The following SPMAP2L variants were observed in gnomAD, a reference collection of about 807,000 sequenced individuals.
SPMAP2L encodes the protein sperm microtubule associated protein 2 like, also known as sperm microtubule associated protein 2-like.
the SPMAP2L span, among the ~76,000 whole-genome samples, chr4:56,574,823 A>T: frequency 6.6e-6 from 1 of 151,850 alleles, no homozygotes; most frequent in Admixed American, 6.6e-5. Context: ...CTACGAAAAA[A>T]TTTTAAAAAG....
the SPMAP2L span, among the ~76,000 whole-genome samples, chr4:56,558,140 T>C: frequency 1.3e-5 from 2 of 152,094 alleles, no homozygotes; most frequent in African/African-American, 4.8e-5. Flanking sequence ...GGCTAATTTT[T>C]GTACTTTTGT....
the SPMAP2L span, among the ~76,000 whole-genome samples, chr4:56,579,628 G>A: frequency 1.1e-3 from 167 of 152,166 alleles, 1 homozygote; most frequent in Non-Finnish European, 1.8e-3. Flanking sequence ...AAATTAATTG[G>A]CCATGGTGGC....
chr4:56,532,749 C>G, the SPMAP2L span, among the ~76,000 whole-genome samples: 1 of 152,206 alleles, frequency 6.6e-6, no homozygotes, highest in East Asian at 1.9e-4. Context: ...GCCGCCACTC[C>G]TATCATCATG....
the SPMAP2L span, among the ~76,000 whole-genome samples, chr4:56,551,432 TCTA>T: frequency 6.6e-6 from 1 of 152,174 alleles, no homozygotes; most frequent in Non-Finnish European, 1.5e-5. Flanking sequence ...ATCTTTGTGA[TCTA>T]CTCTCTATCA....
chr4:56,602,074 T>C, the SPMAP2L span, among the ~76,000 whole-genome samples: 1 of 152,194 alleles, frequency 6.6e-6, no homozygotes, highest in Admixed American at 6.5e-5. Context: ...TTGCATCATG[T>C]ACGTGTATGG....
At chr4:56,536,239 C>G in the SPMAP2L span, among the ~76,000 whole-genome samples, 1 of 152,230 alleles carries the variant, frequency 6.6e-6, no homozygotes, top group Non-Finnish European at 1.5e-5. Context: ...TGTCACTAAC[C>G]TCACCTTGAA....
chr4:56,599,783 T>A, the SPMAP2L span, among the ~76,000 whole-genome samples: 2 of 152,212 alleles, frequency 1.3e-5, no homozygotes, highest in African/African-American at 2.4e-5. Context: ...TGTACCACAT[T>A]TTCTTTATCC....
the SPMAP2L span, chr4:56,595,078 A>T: frequency 1.9e-6 from 3 of 1,610,820 alleles, no homozygotes; most frequent in Non-Finnish European, 2.5e-6. Context: ...ATGGGGCTCC[A>T]GTTCCATCTT....
the SPMAP2L span, among the ~76,000 whole-genome samples, chr4:56,542,420 T>C: frequency 6.6e-6 from 1 of 151,996 alleles, no homozygotes; most frequent in African/African-American, 2.4e-5. Context: ...CTCATGTTCA[T>C]AAACTTCTGC....
chr4:56,577,641 A>G, the SPMAP2L span, among the ~76,000 whole-genome samples: 1 of 152,196 alleles, frequency 6.6e-6, no homozygotes. Flanking sequence ...TAAGCTAAGA[A>G]TACTCTGTTT....
the SPMAP2L span, chr4:56,595,024 C>T: frequency 0.22 from 348,598 of 1,602,012 alleles, 39,544 homozygotes; most frequent in East Asian, 0.36. Context: ...TTCACTAAAG[C>T]GGAATGAGGA....
chr4:56,597,381 C>G, the SPMAP2L span, among the ~76,000 whole-genome samples: 20 of 152,192 alleles, frequency 1.3e-4, no homozygotes, highest in Admixed American at 1.3e-3. Context: ...TTCCCTCCCT[C>G]TTCATCCTTG....
chr4:56,550,306 G>A, the SPMAP2L span, among the ~76,000 whole-genome samples: 1 of 152,004 alleles, frequency 6.6e-6, no homozygotes, highest in Non-Finnish European at 1.5e-5. Context: ...CATGCTTCTA[G>A]ATTTTTCCCC....
chr4:56,625,498 A>G, the SPMAP2L span, among the ~76,000 whole-genome samples: 2 of 152,096 alleles, frequency 1.3e-5, no homozygotes, highest in African/African-American at 4.8e-5. Context: ...CTTGAATTGT[A>G]TCTCCCAGAA....
At chr4:56,620,989 T>A in the SPMAP2L span, among the ~76,000 whole-genome samples, 1 of 152,188 alleles carries the variant, frequency 6.6e-6, no homozygotes, top group Admixed American at 6.5e-5. Flanking sequence ...ATTGTTATTC[T>A]AATATTGACT....
the SPMAP2L span, among the ~76,000 whole-genome samples, chr4:56,549,300 A>G: frequency 2.6e-5 from 4 of 152,054 alleles, no homozygotes; most frequent in African/African-American, 9.7e-5. Context: ...GAACACTTCT[A>G]TTCACTTAGT....
At chr4:56,594,793 C>T in the SPMAP2L span, 149 of 1,522,902 alleles carry the variant, frequency 9.8e-5, no homozygotes, top group African/African-American at 1.9e-3. Context: ...ACATCAGTGA[C>T]GTGTGTGACC....
the SPMAP2L span, among the ~76,000 whole-genome samples, chr4:56,553,610 T>C: frequency 6.6e-6 from 1 of 151,362 alleles, no homozygotes; most frequent in South Asian, 2.1e-4. Flanking sequence ...TCCCCTTAGT[T>C]TTTCCTACTA....
At chr4:56,545,681 A>C in the SPMAP2L span, among the ~76,000 whole-genome samples, 54 of 145,108 alleles carry the variant, frequency 3.7e-4, no homozygotes, top group Non-Finnish European at 6.0e-4. Flanking sequence ...TGATTGCGCT[A>C]CTGCACTCTA....
Sources: gnomAD v4.1 joint callset for allele counts (sites outside exome capture counted in the v4.1 genomes callset) on GRCh38, gnomAD v4.1.1 for gene constraint, MANE v1.5 for transcripts, NCBI Gene and HGNC (gene_info 2026-07-23, HGNC 2026-07-21) for gene names.